Variants in TSG101 observed in about 807,000 individuals in gnomAD.
The protein encoded by TSG101 is tumor susceptibility 101, also known as tumor susceptibility gene 101 protein.
TSG101 carries 19 observed loss-of-function variants against 48.5 expected under a neutral mutation model. That is an observed-to-expected ratio of 0.39 (90% CI 0.27 to 0.58). The LOEUF (loss-of-function observed/expected upper bound fraction) is 0.58. TSG101 is among the 20% of genes least tolerant of loss of function. TSG101 has a pLI of 0.55. For synonymous variants in TSG101, 174 were observed against 169.4 expected (o/e 1.03, Z -0.21); for missense variants, 365 against 484.4 (o/e 0.75, Z 2.31).
At position 18,514,782 on chromosome 11, in the gene TSG101, G is replaced by A. The variant is rs2133928839; in HGVS notation, c.253C>T (p.Pro85Ser). 6.3e-7 allele frequency: 1 copy of A among 1,597,840 alleles called. No individual in the cohort carries two copies. The highest frequency in any genetic ancestry group is 8.5e-7 in the Non-Finnish European group (1 of 1,174,630). The change falls in exon 4 of 10, where the codon CCT becomes TCT. Residue 85 changes from proline to serine, a missense_variant. Pro to Ser is a moderately conservative substitution (Grantham distance 74). Coordinates refer to ENST00000251968, the MANE Select transcript of TSG101 (RefSeq NM_006292.4). ...CTAGTAGGCTTAACAAAACAGATAG[G>A]GGGATTATATGGGTATGTGTCCAGT... ...WLLDTYPYNP[P>S]ICFVKPTSSM...
intron 4 of TSG101, among the ~76,000 whole-genome samples, chr11:18,513,356 T>C (rs1275249836): frequency 1.3e-5 from 2 of 152,132 alleles, no homozygotes; most frequent in African/African-American, 4.8e-5. Context: ...AGGACAGTGA[T>C]GCAATCATGG....
chr11:18,520,758 C>T (rs1049948479), intron 1 of TSG101, among the ~76,000 whole-genome samples: 7 of 152,194 alleles, frequency 4.6e-5, no homozygotes, highest in East Asian at 1.9e-4. Flanking sequence ...TCCGGCCAGG[C>T]GTGGTGGCTT....
Position 18,514,658 on chromosome 11 carries a change from A to G in TSG101, c.357+20T>C. 6.6e-7 allele frequency: 1 copy of G among 1,517,954 alleles called. No individual in the cohort carries two copies. Among genetic ancestry groups the G allele is most frequent in the Non-Finnish European group, 8.8e-7 (1 of 1,142,530 alleles). 94.0% of individuals were successfully genotyped at this position (1,517,954 alleles called of 1,614,324 possible). On this transcript the variant is annotated intron_variant, in intron 4 of 9. Coordinates refer to ENST00000251968, the MANE Select transcript of TSG101 (RefSeq NM_006292.4). ...AATATATAAAACATAACTAATTCAC[A>G]GAACACTATGAATACTTACGTGTTT...
intron 7 of TSG101, among the ~76,000 whole-genome samples, chr11:18,499,079 G>A (rs759103049): frequency 1.0e-4 from 15 of 150,616 alleles, no homozygotes; most frequent in South Asian, 2.1e-4. Context: ...AGAGAAAAAC[G>A]GAGAAGAGGT....
chr11:18,525,020 C>T (rs1850344029), intron 1 of TSG101, among the ~76,000 whole-genome samples: 1 of 151,264 alleles, frequency 6.6e-6, no homozygotes, highest in Non-Finnish European at 1.5e-5. Flanking sequence ...AAGCGATTCT[C>T]CCATCTCAGC....
intron 2 of TSG101, 111 bp from the exon 3 acceptor site, chr11:18,516,275 C>T (rs1196815013): frequency 2.4e-6 from 2 of 850,480 alleles, no homozygotes; most frequent in African/African-American, 1.7e-5. Context: ...AAGGGGCTGA[C>T]CTGTCAATGT....
At position 18,498,690 on chromosome 11, in the gene TSG101, G is replaced by C. The variant is rs913343039; in HGVS notation, c.640+3796C>G. On this transcript the variant is annotated intron_variant, in intron 7 of 9. Transcript: ENST00000251968. ...GAGTTCAGGAGAGAGGTATAGGTCA[G>C]AGACATAAATTTGAGAACTGGGGGC... 2.1e-4 allele frequency among the ~76,000 whole-genome samples: 32 copies of C among 152,164 alleles called. 2 individuals are homozygous for C.
At chr11:18,488,959 A>T (rs1849660785) in intron 7 of TSG101, among the ~76,000 whole-genome samples, 1 of 152,048 alleles carries the variant, frequency 6.6e-6, no homozygotes, top group Non-Finnish European at 1.5e-5. Context: ...TACTAAAAAT[A>T]CAAAAATTAG....
In TSG101 at chr11:18,505,646, C is replaced by G. The variant is rs1360752519; in HGVS notation, c.548+1211G>C. 1.3e-5 allele frequency among the ~76,000 whole-genome samples: 2 copies of G among 152,150 alleles called. 1 individual carries two copies. Among genetic ancestry groups the G allele is most frequent in the Non-Finnish European group, 2.9e-5 (2 of 68,018 alleles). ...TCATTGACTTTCTAGCGTGTGTTAA[C>G]AGACTGATTTCATTGTTAATTTAAT... On this transcript the variant is annotated intron_variant, in intron 6 of 9. Transcript: ENST00000251968.
At chr11:18,489,001 G>A (rs1849661320) in intron 7 of TSG101, among the ~76,000 whole-genome samples, 1 of 151,922 alleles carries the variant, frequency 6.6e-6, no homozygotes, top group African/African-American at 2.4e-5. Context: ...TGTAGTCCCA[G>A]CTACTTGGGA....
intron 4 of TSG101, 38 bp downstream of exon 4, chr11:18,514,640 A>G: frequency 6.7e-7 from 1 of 1,483,326 alleles, no homozygotes; most frequent in African/African-American, 1.5e-5. Flanking sequence ...CAAAATATAT[A>G]AAACATAACT....
rs1028591954 is a variant in TSG101 at position 18,526,701 on chromosome 11, G to A, written c.42+74C>T. Reference sequence around the variant, plus strand: ...CCGTCTGGGAAGCTTGCTTGGCTGGGCCGGGACGGACTCGACAGGGCGCGG... The same window carrying A: ...CCGTCTGGGAAGCTTGCTTGGCTGGACCGGGACGGACTCGACAGGGCGCGG... On this transcript the variant is annotated intron_variant, in intron 1 of 9. Transcript: ENST00000251968. 30 of 1,543,836 alleles carry A rather than the reference G, an allele frequency of 1.9e-5. No homozygotes were observed. In the Admixed American group the frequency reaches 3.8e-4, roughly 20 times the overall value.
intron 1 of TSG101, among the ~76,000 whole-genome samples, chr11:18,523,481 C>T (rs929086995): frequency 9.2e-5 from 14 of 152,050 alleles, no homozygotes; most frequent in African/African-American, 3.4e-4. Flanking sequence ...AGGGACATAT[C>T]AATCTTTATT....
chr11:18,506,391 T>A (rs936994307), intron 6 of TSG101, among the ~76,000 whole-genome samples: 11 of 148,250 alleles, frequency 7.4e-5, no homozygotes, highest in Admixed American at 2.7e-4. Context: ...TCTCTTCTTT[T>A]AAAAAAAAAA....
At chr11:18,516,229 TCAGA>T in intron 2 of TSG101, 65 bp from the exon 3 acceptor site, 1 of 1,418,138 alleles carries the variant, frequency 7.1e-7, no homozygotes, top group Non-Finnish European at 9.9e-7. Context: ...AGTTATTCTT[TCAGA>T]AAGACTGGTT....
chr11:18,492,874 C>T (rs1335348075), intron 7 of TSG101, among the ~76,000 whole-genome samples: 1 of 151,536 alleles, frequency 6.6e-6, no homozygotes, highest in East Asian at 1.9e-4. Flanking sequence ...GTTCAAAATT[C>T]GATGAACCAT....
At chr11:18,525,503 G>A (rs1375714648) in intron 1 of TSG101, among the ~76,000 whole-genome samples, 2 of 138,050 alleles carry the variant, frequency 1.4e-5, no homozygotes, top group Non-Finnish European at 3.0e-5. Context: ...CCAAGATCGT[G>A]CCACTGCACT....
intron 4 of TSG101, among the ~76,000 whole-genome samples, chr11:18,513,924 T>C (rs1312166425): frequency 4.6e-5 from 7 of 152,054 alleles, no homozygotes; most frequent in African/African-American, 1.2e-4. Context: ...AATACTAAAA[T>C]ACAAAACTTT....
chr11:18,522,787 C>A (rs954739148), intron 1 of TSG101, among the ~76,000 whole-genome samples: 1 of 152,246 alleles, frequency 6.6e-6, no homozygotes, highest in African/African-American at 2.4e-5. Context: ...GTCTAGCCAC[C>A]ATACCCTCCT....
Sources: allele counts gnomAD v4.1 joint callset (sites outside exome capture counted in the v4.1 genomes callset), GRCh38; gene constraint gnomAD v4.1.1; transcripts MANE v1.5; gene names NCBI Gene and HGNC (gene_info 2026-07-23, HGNC 2026-07-21).